Variants in EHBP1 observed in about 807,000 individuals in gnomAD.
EHBP1 encodes EH domain binding protein 1.
A neutral mutation model predicts 144.0 loss-of-function variants in EHBP1; 55 were observed. The ratio of observed to expected loss-of-function variants is 0.38; its 90% CI spans 0.31 to 0.48. EHBP1 has a LOEUF of 0.48. Ranked by LOEUF, EHBP1 falls within the 20% of genes least tolerant of loss-of-function variation. The pLI is 0.98. For synonymous variants in EHBP1, 469 were observed against 472.7 expected (o/e 0.99, Z 0.10); for missense variants, 1,200 against 1,364.2 (o/e 0.88, Z 1.90).
intron 11 of EHBP1, among the ~76,000 whole-genome samples, 161 bp from the exon 12 acceptor site, chr2:62,943,641 C>A (rs72890512): frequency 0.073 from 11,126 of 152,078 alleles, 1,205 homozygotes; most frequent in African/African-American, 0.23. Flanking sequence ...TTATTTATTT[C>A]TTTAATTTTC....
intron 3 of EHBP1, among the ~76,000 whole-genome samples, chr2:62,752,047 G>A (rs2039784962): frequency 6.6e-6 from 1 of 151,442 alleles, no homozygotes; most frequent in Non-Finnish European, 1.5e-5. Context: ...GTTTGCTCTT[G>A]CTTCTCTAGT....
rs567838871 is a variant in EHBP1 at position 63,037,927 on chromosome 2, TGA to T, written c.3203+299_3203+300del. 7.4e-4 allele frequency among the ~76,000 whole-genome samples: 112 copies of T among 152,194 alleles called. 1 individual carries two copies. The East Asian group carries it at 8.5e-3, about 12-fold the overall frequency. ...CAAGGAAAGGAAGTTTGGTTTATAT[TGA>T]GAGAGGGGAAGATAAATAAAATTAA... On this transcript the variant is annotated intron_variant, in intron 20 of 22. Coordinates refer to ENST00000431489, the MANE Select transcript of EHBP1 (RefSeq NM_001142616.3).
Position 63,045,320 on chromosome 2 carries a change from C to T in EHBP1, c.3393-90C>T. 7.1e-7 allele frequency: 1 copy of T among 1,417,920 alleles called. No individual in the cohort carries two copies. The highest frequency in any genetic ancestry group is 9.8e-7 in the Non-Finnish European group (1 of 1,016,160). The allele number at this position is 1,417,920 out of a possible 1,614,324, so 87.8% of individuals were successfully genotyped here. Reference sequence around the variant, plus strand: ...GGTGCTCCCCATTCCCGCTGGGGATCCAAATACTGGGCGACGGGGGAGTGC... The same window carrying T: ...GGTGCTCCCCATTCCCGCTGGGGATTCAAATACTGGGCGACGGGGGAGTGC... On this transcript the variant is annotated intron_variant, in intron 22 of 22. Coordinates refer to ENST00000431489, the MANE Select transcript of EHBP1 (RefSeq NM_001142616.3). This position sits in a 1 kb window ranked among gnomAD's most constrained non-coding sequence, Gnocchi z 5.7.
chr2:62,850,464 A>T (rs1343071026), intron 7 of EHBP1, among the ~76,000 whole-genome samples: 1 of 151,908 alleles, frequency 6.6e-6, no homozygotes, highest in African/African-American at 2.4e-5. Context: ...AAGAATCTCA[A>T]ATTATTTGAC....
At chr2:62,779,516 C>A (rs2042280518) in intron 5 of EHBP1, among the ~76,000 whole-genome samples, 1 of 152,114 alleles carries the variant, frequency 6.6e-6, no homozygotes, top group Non-Finnish European at 1.5e-5. Flanking sequence ...GTGCTTATGG[C>A]TACTTGCTCA....
At position 62,831,072 on chromosome 2, in the gene EHBP1, T is replaced by C; in HGVS notation, c.548T>C (p.Ile183Thr). The change falls in exon 7 of 23, where the codon ATT becomes ACT. Residue 183 changes from isoleucine (I) to threonine (T), a missense_variant. Around this residue, in one of 6 missense-constraint regions of EHBP1, gnomAD observed 11 missense variants for 38.6 expected, o/e 0.28. Coordinates refer to ENST00000431489, the MANE Select transcript of EHBP1 (RefSeq NM_001142616.3). ...TTGATGAGTATGAAGCAGGCTGACA[T>C]TGGCAATTTAGATGACTTCGAAGAA... The part of the protein sequence containing the change: ...ASLMSMKQAD[I>T]GNLDDFEEDN... The C allele has an allele frequency of 6.2e-7, 1 of 1,612,344 alleles. No homozygotes were observed. Among genetic ancestry groups the C allele is most frequent in the Non-Finnish European group, 8.5e-7 (1 of 1,179,372 alleles).
chr2:62,924,841 A>G (rs200847201), intron 10 of EHBP1, among the ~76,000 whole-genome samples: 15 of 152,354 alleles, frequency 9.8e-5, no homozygotes, highest in South Asian at 4.1e-4. Flanking sequence ...ATCCTTTCCA[A>G]TTCTTTCTAT....
chr2:62,752,809 G>A (rs2039880923), intron 3 of EHBP1, among the ~76,000 whole-genome samples: 1 of 151,876 alleles, frequency 6.6e-6, no homozygotes, highest in African/African-American at 2.4e-5. Flanking sequence ...TTTTATCAGA[G>A]ACCTGGATTG....
chr2:62,865,284 T>A (rs1482667561), intron 9 of EHBP1, among the ~76,000 whole-genome samples: 1 of 152,186 alleles, frequency 6.6e-6, no homozygotes, highest in Non-Finnish European at 1.5e-5. Context: ...TTTTTTTCCA[T>A]CAAACTCTGT....
At chr2:62,861,878 T>C (rs1247145428) in intron 8 of EHBP1, among the ~76,000 whole-genome samples, 2 of 152,206 alleles carry the variant, frequency 1.3e-5, no homozygotes, top group Non-Finnish European at 2.9e-5. Context: ...TTTGCTTGGA[T>C]TAATTTTTGC....
At chr2:62,925,537 A>G (rs922244238) in intron 10 of EHBP1, among the ~76,000 whole-genome samples, 6 of 152,190 alleles carry the variant, frequency 3.9e-5, no homozygotes, top group African/African-American at 1.4e-4. Flanking sequence ...TAAAGACTGT[A>G]CCAAATTACT....
At chr2:62,709,834 C>G (rs141774285) in intron 2 of EHBP1, among the ~76,000 whole-genome samples, 313 of 152,094 alleles carry the variant, frequency 2.1e-3, no homozygotes, top group African/African-American at 7.3e-3. Context: ...ATTATTTATA[C>G]CAGTTCTAGA....
intron 20 of EHBP1, among the ~76,000 whole-genome samples, chr2:63,038,054 A>G (rs2061515848): frequency 6.6e-6 from 1 of 152,158 alleles, no homozygotes; most frequent in South Asian, 2.1e-4. Flanking sequence ...ATTTTGGGAT[A>G]AAAGATAAGT....
chr2:62,799,020 A>AG (rs1364677931), intron 5 of EHBP1, among the ~76,000 whole-genome samples: 1 of 151,662 alleles, frequency 6.6e-6, no homozygotes, highest in African/African-American at 2.4e-5. Flanking sequence ...AAAAAAAAAA[A>AG]AAAAAGAAAT....
chr2:62,743,095 G>T (rs563408587), intron 2 of EHBP1, among the ~76,000 whole-genome samples: 2 of 151,972 alleles, frequency 1.3e-5, no homozygotes, highest in Admixed American at 6.6e-5. Context: ...TTATTATATC[G>T]TATAGAAATA....
At chr2:62,809,407 T>C (rs554980074) in intron 5 of EHBP1, among the ~76,000 whole-genome samples, 17 of 151,510 alleles carry the variant, frequency 1.1e-4, no homozygotes, top group African/African-American at 4.1e-4. Context: ...CTGTGGTTAC[T>C]GTGAGAACCT....
intron 1 of EHBP1, among the ~76,000 whole-genome samples, chr2:62,674,283 C>T (rs568011949): frequency 2.0e-5 from 3 of 152,192 alleles, no homozygotes; most frequent in East Asian, 1.9e-4. Context: ...AAATTTAGCA[C>T]GTAACTAGAG....
At chr2:62,825,878 C>G (rs1048664059) in intron 5 of EHBP1, among the ~76,000 whole-genome samples, 1 of 151,954 alleles carries the variant, frequency 6.6e-6, no homozygotes, top group African/African-American at 2.4e-5. Flanking sequence ...CCTGGGTTAC[C>G]GCTTTCCAAT....
chr2:62,963,486 A>G (rs2058095578), intron 14 of EHBP1, among the ~76,000 whole-genome samples: 1 of 152,196 alleles, frequency 6.6e-6, no homozygotes, highest in Non-Finnish European at 1.5e-5. Context: ...TTCTAAGTAT[A>G]TATCATCATA....
Sources: gnomAD v4.1 joint callset for allele counts (sites outside exome capture counted in the v4.1 genomes callset) on GRCh38, gnomAD v4.1.1 for gene constraint, gnomAD v4.1.1 regional missense constraint, Gnocchi (gnomAD v3.1) non-coding constraint, MANE v1.5 for transcripts, NCBI Gene and HGNC (gene_info 2026-07-23, HGNC 2026-07-21) for gene names.